The following TSEN2 variants were observed in gnomAD, a reference collection of about 807,000 sequenced individuals.
TSEN2 encodes tRNA splicing endonuclease subunit 2, also known as tRNA-splicing endonuclease subunit Sen2.
A neutral mutation model predicts 59.2 loss-of-function variants in TSEN2; 54 were observed. The ratio of observed to expected loss-of-function variants is 0.91; its 90% CI spans 0.73 to 1.14. The LOEUF (loss-of-function observed/expected upper bound fraction) is 1.14. Ranked by LOEUF, TSEN2 falls within the 50% of genes most tolerant of loss-of-function variation. The pLI is 0.00. For missense variants in TSEN2, 636 were observed against 576.2 expected (o/e 1.10, Z -1.06); for synonymous variants, 195 against 198.2 (o/e 0.98, Z 0.14).
chr3:12,539,464 G>A (rs931653509), exon 11 of TSEN2: 21 of 197,056 alleles, frequency 1.1e-4, no homozygotes, highest in African/African-American at 4.3e-4. Context: ...TAAAAACCAC[G>A]AGGAGAAGGT....
intron 2 of TSEN2, among the ~76,000 whole-genome samples, chr3:12,491,736 C>T (rs1220349265): frequency 1.3e-5 from 2 of 152,222 alleles, no homozygotes; most frequent in East Asian, 3.8e-4. Context: ...CTTGTTAACT[C>T]AGATGGGTAC....
At chr3:12,535,889 G>A (rs2057663803), downstream of TSEN2, among the ~76,000 whole-genome samples, 1 of 151,498 alleles carries the variant, frequency 6.6e-6, no homozygotes, top group African/African-American at 2.4e-5. Flanking sequence ...GGGAAAACAG[G>A]GGCGACGTTG....
In TSEN2 at chr3:12,503,406, C is replaced by G. The variant is rs1374378856; in HGVS notation, c.453C>G (p.Asp151Glu). 1.2e-6 allele frequency: 2 copies of G among 1,614,080 alleles called. No homozygotes were observed. Among genetic ancestry groups the G allele is most frequent in the Non-Finnish European group, 8.5e-7 (1 of 1,180,042 alleles). The change falls in exon 5 of 12, where the codon GAC becomes GAG. Residue 151 changes from aspartate (D) to glutamate (E), a missense_variant. Physicochemically the swap from Asp to Glu is conservative, Grantham distance 45. Coordinates refer to ENST00000284995, the MANE Select transcript of TSEN2 (RefSeq NM_025265.4). ...GGAATGAAGAGGCTCAAGTGCATGA[C>G]AAGCTTAACTCTGGAATGGTTTCCA... The part of the protein sequence containing the change: ...VKRNEEAQVH[D>E]KLNSGMVSNM...
intron 8 of TSEN2, among the ~76,000 whole-genome samples, chr3:12,523,664 C>G (rs1405503447): frequency 6.6e-6 from 1 of 151,418 alleles, no homozygotes; most frequent in East Asian, 1.9e-4. Flanking sequence ...CTCAGCTTCC[C>G]AAGTAGCTGG....
At position 12,496,516 on chromosome 3, in the gene TSEN2, A is replaced by G. The variant is rs1183270151; in HGVS notation, c.272-2A>G. 6.2e-7 allele frequency: 1 copy of G among 1,614,142 alleles called. No homozygotes were observed. ...GAAACTAATAGAACTTCTTTGTTCCAGATATGAAGACAAACATGCCTATCA... is the reference window on the plus strand; with the variant it reads ...GAAACTAATAGAACTTCTTTGTTCCGGATATGAAGACAAACATGCCTATCA... On this transcript the variant is annotated splice_acceptor_variant, in intron 3 of 11. Coordinates refer to ENST00000284995, the MANE Select transcript of TSEN2 (RefSeq NM_025265.4). LOFTEE classifies it high-confidence loss of function.
chr3:12,505,103 A>G, intron 5 of TSEN2, 51 bp from the exon 6 acceptor site: 1 of 1,012,610 alleles, frequency 9.9e-7, no homozygotes, highest in Non-Finnish European at 1.6e-6. Flanking sequence ...ATTCTCTATG[A>G]CATGTAGTGC....
intron 4 of TSEN2, among the ~76,000 whole-genome samples, chr3:12,502,430 G>GC (rs1419674626): frequency 6.6e-6 from 1 of 152,090 alleles, no homozygotes; most frequent in Non-Finnish European, 1.5e-5. Flanking sequence ...TAGCTACTCG[G>GC]GAGGCTGAGG....
rs184723287 is a variant in TSEN2, at chr3:12,502,101, A to T, written c.309-1161A>T. Among the ~76,000 whole-genome samples the T allele has an allele frequency of 1.7e-4, 26 of 152,350 alleles. No individual in the cohort carries two copies. In the East Asian group the frequency reaches 5.0e-3, roughly 29 times the overall value. On this transcript the variant is annotated intron_variant, in intron 4 of 11. Coordinates refer to ENST00000284995, the MANE Select transcript of TSEN2 (RefSeq NM_025265.4). The stretch of plus-strand genomic sequence containing the variant: ...TATGTGGATGAATCTACATAAGCCA[A>T]ATCATTTCTCTCCTTATCCTGTGAA...
intron 6 of TSEN2, among the ~76,000 whole-genome samples, chr3:12,506,041 A>T: frequency 6.6e-6 from 1 of 152,242 alleles, no homozygotes; most frequent in Non-Finnish European, 1.5e-5. Flanking sequence ...GGGGGTGGAA[A>T]GAAGAAAAAA....
chr3:12,493,325 T>C (rs1163284978), intron 3 of TSEN2, among the ~76,000 whole-genome samples: 1 of 152,206 alleles, frequency 6.6e-6, no homozygotes, highest in Non-Finnish European at 1.5e-5. Flanking sequence ...TGTTTAACAT[T>C]TTAAGAACTA....
At chr3:12,528,387 T>C (rs1198853293) in intron 8 of TSEN2, among the ~76,000 whole-genome samples, 1 of 152,148 alleles carries the variant, frequency 6.6e-6, no homozygotes, top group Non-Finnish European at 1.5e-5. Context: ...CTTTACTAAT[T>C]GTACTTTGTT....
chr3:12,496,598 A>C, intron 4 of TSEN2, 44 bp downstream of exon 4: 1 of 1,608,222 alleles, frequency 6.2e-7, no homozygotes, highest in Non-Finnish European at 8.5e-7. Flanking sequence ...TGATGGTTTA[A>C]GTCAGATGTT....
In TSEN2 at chr3:12,489,841, G is replaced by T; in HGVS notation, c.41G>T (p.Arg14Ile). ...AVFHAPKRKRRVYETYESPLP... is the reference protein window; with the variant it reads ...AVFHAPKRKRIVYETYESPLP... ...TTCCATGCCCCAAAGAGGAAAAGAA[G>T]AGTGTATGAGACTTACGAGTCTCCA... The change falls in exon 2 of 12, where the codon AGA becomes ATA. Residue 14 changes from arginine to isoleucine, a missense_variant. Transcript: ENST00000284995. 6.2e-7 allele frequency: 1 copy of T among 1,614,042 alleles called. No individual in the cohort carries two copies. Among genetic ancestry groups the T allele is most frequent in the South Asian group, 1.1e-5 (1 of 91,082 alleles).
Position 12,503,371 on chromosome 3 carries a change from C to T in TSEN2, c.418C>T (p.Pro140Ser). 3 of 1,614,190 alleles carry T rather than the reference C, an allele frequency of 1.9e-6. No homozygotes were observed. The highest frequency in any genetic ancestry group is 2.5e-6 in the Non-Finnish European group (3 of 1,180,038). ...TTACACGAAACCGCTTGAGCATCCT[C>T]CTGTGAAAAGGAATGAAGAGGCTCA... ...KDYTKPLEHP[P>S]VKRNEEAQVH... The change falls in exon 5 of 12, where the codon CCT becomes TCT. Residue 140 changes from proline to serine, a missense_variant. Transcript: ENST00000284995.
intron 7 of TSEN2, among the ~76,000 whole-genome samples, chr3:12,517,732 T>G (rs2056279106): frequency 6.6e-6 from 1 of 152,184 alleles, no homozygotes; most frequent in South Asian, 2.1e-4. Flanking sequence ...TCCCAAATGG[T>G]GGCAATTCTT....
chr3:12,495,000 C>T (rs1169963181), intron 3 of TSEN2, among the ~76,000 whole-genome samples: 1 of 151,272 alleles, frequency 6.6e-6, no homozygotes, highest in Non-Finnish European at 1.5e-5. Context: ...GTGGCAGGCA[C>T]TTGTAATCCC....
Position 12,503,597 on chromosome 3 carries a change from C to A in TSEN2, c.644C>A (p.Ser215Ter). ...SFEKSVREDA[S>*]PLPHVCCCKQ... ...GAGAAAAGCGTGCGAGAGGATGCCT[C>A]ACCTCTGCCCCATGTCTGTTGCTGC... The change falls in exon 5 of 12, where the codon TCA becomes TAA. Residue 215 changes from serine to a stop codon, truncating the protein, a stop_gained. Transcript: ENST00000284995. LOFTEE classifies it high-confidence loss of function. 1 of 1,595,152 alleles carries A rather than the reference C, an allele frequency of 6.3e-7. No individual in the cohort carries two copies. The highest frequency in any genetic ancestry group is 2.2e-5 in the East Asian group (1 of 44,646).
chr3:12,513,430 G>T (rs1263485562), intron 6 of TSEN2, among the ~76,000 whole-genome samples: 1 of 152,124 alleles, frequency 6.6e-6, no homozygotes, highest in African/African-American at 2.4e-5. Flanking sequence ...GTTCCAGAAA[G>T]GAGGAAAACT....
intron 1 of TSEN2, 46 bp from the exon 2 acceptor site, chr3:12,489,738 G>C: frequency 6.5e-7 from 1 of 1,542,812 alleles, no homozygotes; most frequent in Non-Finnish European, 8.8e-7. Context: ...GATCAAGGTA[G>C]TTATTGATTG....
Sources: allele counts gnomAD v4.1 joint callset (sites outside exome capture counted in the v4.1 genomes callset), GRCh38; gene constraint gnomAD v4.1.1; transcripts MANE v1.5; gene names NCBI Gene and HGNC (gene_info 2026-07-23, HGNC 2026-07-21).